WDFY3: variants seen among roughly 807,000 people sequenced by gnomAD.
WDFY3 encodes WD repeat and FYVE domain-containing protein 3.
A neutral mutation model predicts 409.6 loss-of-function variants in WDFY3; 66 were observed. The observed-to-expected ratio is 0.16, with a 90% CI of 0.13 to 0.20. WDFY3 has a LOEUF of 0.20. Ranked by LOEUF, WDFY3 falls within the 10% of genes least tolerant of loss-of-function variation. The pLI is 1.00. For missense variants in WDFY3, 3,031 were observed against 4,298.1 expected (o/e 0.71, Z 8.24); for synonymous variants, 1,521 against 1,537.1 (o/e 0.99, Z 0.25).
rs899917834 is a variant in WDFY3 at position 84,803,557 on chromosome 4, C to G, written c.2430-90G>C. On this transcript the variant is annotated intron_variant, in intron 15 of 67. Coordinates refer to ENST00000295888, the MANE Select transcript of WDFY3 (RefSeq NM_014991.6). ...CTTTCATCCACTGATAACCAAAAAG[C>G]CTTGTTAGAAAACACCTTAAGGTTG... 3 of 1,400,214 alleles carry G rather than the reference C, an allele frequency of 2.1e-6. No homozygotes were observed. The African/African-American group carries it at 4.4e-5, about 20-fold the overall frequency. 86.7% of individuals were successfully genotyped at this position (1,400,214 alleles called of 1,614,324 possible). A position where few individuals can be genotyped will look rare whatever the true frequency, so the allele number is the denominator to read the frequency against.
chr4:84,682,400 T>C lies in WDFY3; in HGVS notation c.9797A>G (p.Gln3266Arg), dbSNP rs754759812. Residue 3266 changes from glutamine (Q) to arginine (R), a missense_variant, in exon 64 of 68, where the codon CAG becomes CGG. Coordinates refer to ENST00000295888, the MANE Select transcript of WDFY3 (RefSeq NM_014991.6). ...TATTTGTGCTTCTGGACAGTCTTCC[T>C]GCATTTCTAGGACTTCAGCAGGCTC... ...APEPAEVLEM[Q>R]EDCPEAQIGQ... The C allele has an allele frequency of 1.9e-6, 3 of 1,613,992 alleles. No individual in the cohort carries two copies. Among genetic ancestry groups the C allele is most frequent in the African/African-American group, 2.7e-5 (2 of 75,064 alleles).
Position 84,724,466 on chromosome 4 carries a change from T to C in WDFY3, c.7401A>G (p.Gln2467=). 6.2e-7 allele frequency: 1 copy of C among 1,614,066 alleles called. No individual in the cohort carries two copies. Among genetic ancestry groups the C allele is most frequent in the Non-Finnish European group, 8.5e-7 (1 of 1,179,952 alleles). ...TAGTGTCTTCCCCATGCTCTGGTTCTTGCTGAGCAGCTTCACCTTCTGAAC... is the reference window on the plus strand; with the variant it reads ...TAGTGTCTTCCCCATGCTCTGGTTCCTGCTGAGCAGCTTCACCTTCTGAAC... The part of the protein sequence containing the change: ...VESSEGEAAQ[Q]EPEHGEDTIA... Residue 2467 remains glutamine (Q), a synonymous_variant, in exon 46 of 68, where the codon CAA becomes CAG. Coordinates refer to ENST00000295888, the MANE Select transcript of WDFY3 (RefSeq NM_014991.6).
At chr4:84,761,246 T>C (rs1452703786) in intron 32 of WDFY3, among the ~76,000 whole-genome samples, 1 of 152,204 alleles carries the variant, frequency 6.6e-6, no homozygotes, top group African/African-American at 2.4e-5. Flanking sequence ...AATTTTGGAA[T>C]AGGTGTGGTG....
chr4:84,678,329 A>G (rs376522682), intron 65 of WDFY3, 50 bp from the exon 66 acceptor site: 127 of 1,371,384 alleles, frequency 9.3e-5, no homozygotes, highest in Non-Finnish European at 1.2e-4. Flanking sequence ...AGAGAAGCCA[A>G]TACTGGGGAG....
intron 1 of WDFY3, among the ~76,000 whole-genome samples, chr4:84,937,781 T>C (rs1246274962): frequency 6.6e-6 from 1 of 152,160 alleles, no homozygotes; most frequent in Non-Finnish European, 1.5e-5. Context: ...CCAACTTCCT[T>C]GCCATTCTTT....
At chr4:84,767,275 T>C (rs1334084661) in intron 30 of WDFY3, among the ~76,000 whole-genome samples, 6 of 143,250 alleles carry the variant, frequency 4.2e-5, no homozygotes, top group South Asian at 2.2e-4. Context: ...CTTACTCTTA[T>C]AAGACAGTGA....
At chr4:84,910,641 G>A (rs1767635796) in intron 2 of WDFY3, among the ~76,000 whole-genome samples, 1 of 151,984 alleles carries the variant, frequency 6.6e-6, no homozygotes, top group Non-Finnish European at 1.5e-5. Flanking sequence ...ATGGGTCATA[G>A]ACCTAAATTT....
chr4:84,734,995 C>A, intron 43 of WDFY3, 48 bp downstream of exon 43: 1 of 1,516,678 alleles, frequency 6.6e-7, no homozygotes, highest in Non-Finnish European at 9.1e-7. Flanking sequence ...AGACCTTTCA[C>A]ATACAAAAAA....
In WDFY3 at chr4:84,687,990, C is replaced by CA. The variant is rs1157599882; in HGVS notation, c.9543+95dup. On this transcript the variant is annotated intron_variant, in intron 62 of 67. Transcript: ENST00000295888. ...CCTGCGGTAGCCTCCTGAGCAGCTG[C>CA]AACTCAGACATGTTCCCCTGAGCCC... The CA allele has an allele frequency of 9.7e-6, 13 of 1,334,556 alleles. No individual in the cohort carries two copies. The African/African-American group carries it at 1.9e-4, about 19-fold the overall frequency. The allele number at this position is 1,334,556 out of a possible 1,614,324, so 82.7% of individuals were successfully genotyped here. A position where few individuals can be genotyped will look rare whatever the true frequency, so the allele number is the denominator to read the frequency against.
intron 2 of WDFY3, among the ~76,000 whole-genome samples, chr4:84,906,920 C>T (rs1047545236): frequency 1.7e-4 from 26 of 152,150 alleles, no homozygotes; most frequent in African/African-American, 6.3e-4. Flanking sequence ...CTTATAATAC[C>T]TAACACAATG....
chr4:84,676,435 C>T (rs1008855119), intron 67 of WDFY3, among the ~76,000 whole-genome samples: 1 of 152,070 alleles, frequency 6.6e-6, no homozygotes, highest in South Asian at 2.1e-4. Context: ...TTAACTAGCA[C>T]TACTGTTTTG....
At chr4:84,694,405 T>C (rs939504645) in intron 58 of WDFY3, among the ~76,000 whole-genome samples, 1 of 152,240 alleles carries the variant, frequency 6.6e-6, no homozygotes, top group Non-Finnish European at 1.5e-5. Flanking sequence ...AGAAATATGT[T>C]GGCATCCAAA....
intron 21 of WDFY3, among the ~76,000 whole-genome samples, chr4:84,791,526 T>C (rs1031129455): frequency 3.9e-5 from 6 of 152,204 alleles, no homozygotes; most frequent in African/African-American, 1.4e-4. Flanking sequence ...ATGACAATAA[T>C]GTTGTATAAC....
At position 84,821,379 on chromosome 4, in the gene WDFY3, C is replaced by T; in HGVS notation, c.1296G>A (p.Glu432=). The change falls in exon 11 of 68, where the codon GAG becomes GAA. Residue 432 remains glutamate (E), a synonymous_variant. Coordinates refer to ENST00000295888, the MANE Select transcript of WDFY3 (RefSeq NM_014991.6). ...GTACTTCTGGGAGTTTAGAAATCTT[C>T]TCTGCAAACTGTGACAATGTGTGCT... The part of the protein sequence containing the change: ...ESQHTLSQFA[E]KISKLPEVQN... 2 of 1,613,892 alleles carry T rather than the reference C, an allele frequency of 1.2e-6. No homozygotes were observed. Among genetic ancestry groups the T allele is most frequent in the Admixed American group, 1.7e-5 (1 of 59,976 alleles).
At chr4:84,876,517 A>T (rs7692204) in intron 3 of WDFY3, among the ~76,000 whole-genome samples, 15,224 of 152,152 alleles carry the variant, frequency 0.1, 1,235 homozygotes, top group African/African-American at 0.22. Context: ...ATTTGGCACA[A>T]GTGCTCAGTA....
intron 37 of WDFY3, 128 bp downstream of exon 37, chr4:84,743,572 A>G (rs1024534684): frequency 7.9e-6 from 4 of 503,748 alleles, no homozygotes; most frequent in Non-Finnish European, 1.2e-5. Context: ...TCTCACAAAT[A>G]TAATGTTGAG....
chr4:84,782,917 G>A (rs1187080031), intron 25 of WDFY3, 46 bp downstream of exon 25: 1 of 1,580,122 alleles, frequency 6.3e-7, no homozygotes, highest in East Asian at 2.2e-5. Flanking sequence ...ATGCAAACTT[G>A]ATGGCAAATA....
chr4:84,884,602 C>T (rs115035945), intron 3 of WDFY3, among the ~76,000 whole-genome samples: 3,217 of 152,152 alleles, frequency 0.021, 42 homozygotes, highest in Middle Eastern at 0.037. Context: ...AAGTGTTAAA[C>T]ATAATTTAAA....
chr4:84,684,169 A>G (rs944660195), intron 62 of WDFY3, 44 bp from the exon 63 acceptor site: 1 of 1,468,156 alleles, frequency 6.8e-7, no homozygotes, highest in Non-Finnish European at 9.1e-7. Context: ...CTCCCTTCCA[A>G]TTACCTTCTG....
Sources: allele counts gnomAD v4.1 joint callset (sites outside exome capture counted in the v4.1 genomes callset), GRCh38; gene constraint gnomAD v4.1.1; transcripts MANE v1.5; gene names NCBI Gene and HGNC (gene_info 2026-07-23, HGNC 2026-07-21).